The following DOCK8 variants were observed in gnomAD, a reference collection of about 807,000 sequenced individuals.
The protein encoded by DOCK8 is dedicator of cytokinesis 8, also known as dedicator of cytokinesis protein 8.
A neutral mutation model predicts 245.6 loss-of-function variants in DOCK8; 141 were observed. The ratio of observed to expected loss-of-function variants is 0.57; its 90% CI spans 0.50 to 0.66. The LOEUF is 0.66. DOCK8 is among the 30% of genes least tolerant of loss of function. DOCK8 has a pLI of 0.00. For synonymous variants in DOCK8, 1,168 were observed against 970.2 expected, an observed-to-expected ratio of 1.20 and a Z score of -3.79; for missense variants, 2,965 against 2,603.4, an observed-to-expected ratio of 1.14 and a Z score of -3.02.
intron 46 of DOCK8, chr9:456,361 G>C (rs1331892416): frequency 6.6e-6 from 1 of 152,238 alleles, no homozygotes; most frequent in Non-Finnish European, 1.5e-5. Flanking sequence ...AGGTGACGCA[G>C]AAGTGGAAAA....
intron 14 of DOCK8, among the ~76,000 whole-genome samples, chr9:348,112 T>C (rs2051994216): frequency 6.6e-6 from 1 of 152,174 alleles, no homozygotes; most frequent in African/African-American, 2.4e-5. Flanking sequence ...CTCCTTTCAT[T>C]AGTAAGTCCT....
rs374888697 is a variant in DOCK8 at position 229,877 on chromosome 9, CATTT to C, written c.53+14861_53+14864del. Among the ~76,000 whole-genome samples the C allele has an allele frequency of 9.3e-4, 140 of 151,338 alleles. 1 individual carries two copies. In the East Asian group the frequency reaches 0.024, roughly 26 times the overall value. ...AATTAGGGGTTTATTTTTTTCTTTT[CATTT>C]ATTTATTTATTTTTAAATTTAATTT... On this transcript the variant is annotated intron_variant, in intron 1 of 47. Coordinates refer to ENST00000432829, the MANE Select transcript of DOCK8 (RefSeq NM_203447.4).
chr9:241,349 G>A (rs1053010853), intron 1 of DOCK8, among the ~76,000 whole-genome samples: 5 of 152,006 alleles, frequency 3.3e-5, no homozygotes, highest in African/African-American at 1.2e-4. Flanking sequence ...CTGTAATTTC[G>A]TATCCCTTAA....
intron 2 of DOCK8, among the ~76,000 whole-genome samples, chr9:278,156 G>GT (rs1284207918): frequency 1.3e-5 from 2 of 152,056 alleles, no homozygotes; most frequent in Non-Finnish European, 2.9e-5. Flanking sequence ...CAGAGCAGAC[G>GT]TTTCTTTATT....
intron 2 of DOCK8, among the ~76,000 whole-genome samples, chr9:274,327 T>G (rs546861661): frequency 2.2e-4 from 34 of 152,302 alleles, no homozygotes; most frequent in Admixed American, 2.0e-3. Flanking sequence ...TGAATATCCT[T>G]TAGAATATAT....
At chr9:245,750 A>G (rs2047491429) in intron 1 of DOCK8, among the ~76,000 whole-genome samples, 1 of 152,208 alleles carries the variant, frequency 6.6e-6, no homozygotes, top group African/African-American at 2.4e-5. Context: ...GTACTTTCTC[A>G]GATACCCTTT....
chr9:258,532 T>C (rs1301102243), intron 1 of DOCK8, among the ~76,000 whole-genome samples: 1 of 152,044 alleles, frequency 6.6e-6, no homozygotes, highest in Non-Finnish European at 1.5e-5. Context: ...ATAGTTTTAT[T>C]TCAAAATTCC....
chr9:220,680 C>T (rs1472575701), intron 1 of DOCK8: 12 of 384,606 alleles, frequency 3.1e-5, no homozygotes, highest in Middle Eastern at 9.2e-4. Flanking sequence ...CAGGAATGTG[C>T]TACTGCTGTT....
chr9:434,355 A>C (rs984334402), intron 38 of DOCK8, among the ~76,000 whole-genome samples: 11 of 152,306 alleles, frequency 7.2e-5, no homozygotes, highest in African/African-American at 2.6e-4. Flanking sequence ...TTTTACGCGT[A>C]GTTTAAAAGT....
In DOCK8 at chr9:346,409, G is replaced by A. The variant is rs375885305; in HGVS notation, c.1679+6088G>A. On this transcript the variant is annotated intron_variant, in intron 14 of 47. Transcript: ENST00000432829. ...TTCAAGGGCATCCTATCCTGCGGCCGCCAGAGGGGTATGTGCGGAGATCAC... is the reference window on the plus strand; with the variant it reads ...TTCAAGGGCATCCTATCCTGCGGCCACCAGAGGGGTATGTGCGGAGATCAC... 1.5e-4 allele frequency among the ~76,000 whole-genome samples: 23 copies of A among 152,290 alleles called. 1 individual carries two copies. The South Asian group carries it at 4.4e-3, about 29-fold the overall frequency.
At chr9:412,423 AAAAAG>A (rs1453206865) in intron 28 of DOCK8, among the ~76,000 whole-genome samples, 2 of 148,640 alleles carry the variant, frequency 1.3e-5, no homozygotes, top group Non-Finnish European at 3.0e-5. Context: ...AAAAAAAAAG[AAAAAG>A]AAGAAAAGAA....
At position 400,915 on chromosome 9, in the gene DOCK8, CTTCACCATCACCACAACA is replaced by C. The variant is rs2055001752; in HGVS notation, c.3234+1658_3234+1675del. Among the ~76,000 whole-genome samples the C allele has an allele frequency of 1.7e-5, 2 of 116,442 alleles. 1 individual carries two copies. The highest frequency in any genetic ancestry group is 3.8e-5 in the Non-Finnish European group (2 of 52,192). 76.4% of individuals were successfully genotyped at this position (116,442 alleles called of 152,430 possible). On this transcript the variant is annotated intron_variant, in intron 26 of 47. Coordinates refer to ENST00000432829, the MANE Select transcript of DOCK8 (RefSeq NM_203447.4). ...CCACCTCCCCCACTACCAACAGCTC[CTTCACCATCACCACAACA>C]TCCACCACCACCATCACCACCACCA... is the stretch of plus-strand genomic sequence containing the variant.
intron 14 of DOCK8, among the ~76,000 whole-genome samples, chr9:366,756 C>T (rs1415427326): frequency 3.9e-5 from 6 of 151,980 alleles, no homozygotes; most frequent in African/African-American, 1.5e-4. Context: ...CATTTTTGCT[C>T]AACGCCCCCT....
chr9:253,136 T>A (rs1184798110), intron 1 of DOCK8, among the ~76,000 whole-genome samples: 1 of 152,212 alleles, frequency 6.6e-6, no homozygotes, highest in Admixed American at 6.5e-5. Context: ...CTTAGCTTCC[T>A]ATGCATCTAC....
At chr9:310,834 A>G (rs1022334575) in intron 5 of DOCK8, among the ~76,000 whole-genome samples, 2 of 152,214 alleles carry the variant, frequency 1.3e-5, no homozygotes, top group East Asian at 1.9e-4. Context: ...GACAAATTCT[A>G]TGATTGTCCC....
At chr9:464,048 G>C in intron 47 of DOCK8, 111 bp from the exon 48 acceptor site, 2 of 919,402 alleles carry the variant, frequency 2.2e-6, no homozygotes, top group Non-Finnish European at 3.6e-6. Flanking sequence ...CATGACTGAT[G>C]TCCATTTCTA....
chr9:428,585 T>C (rs535113245), intron 35 of DOCK8, 89 bp downstream of exon 35: 1 of 1,503,468 alleles, frequency 6.7e-7, no homozygotes, highest in East Asian at 2.3e-5. Flanking sequence ...GGACCAAAAG[T>C]CACAGAGCAT....
intron 1 of DOCK8, among the ~76,000 whole-genome samples, chr9:229,343 A>C (rs1234894840): frequency 6.6e-6 from 1 of 152,200 alleles, no homozygotes; most frequent in East Asian, 1.9e-4. Flanking sequence ...AAAGTTACCA[A>C]GTGAGTCATG....
intron 1 of DOCK8, among the ~76,000 whole-genome samples, chr9:251,068 G>A (rs2047633617): frequency 6.6e-6 from 1 of 152,146 alleles, no homozygotes; most frequent in Non-Finnish European, 1.5e-5. Context: ...GGATTGTCCA[G>A]GTAATGTAGG....
Sources: allele counts gnomAD v4.1 joint callset (sites outside exome capture counted in the v4.1 genomes callset), GRCh38; gene constraint gnomAD v4.1.1; transcripts MANE v1.5; gene names NCBI Gene and HGNC (gene_info 2026-07-23, HGNC 2026-07-21).